Variants in NACA observed in about 807,000 individuals in gnomAD.
The protein encoded by NACA is nascent polypeptide associated complex subunit alpha, also known as nascent polypeptide-associated complex subunit alpha.
In NACA, 42 loss-of-function variants were observed where a neutral mutation model predicts 86.4. That is an observed-to-expected ratio of 0.49 (90% CI 0.38 to 0.63). The LOEUF (loss-of-function observed/expected upper bound fraction) is 0.63, where lower values mean the gene tolerates loss of function less well. Among genes scored for constraint, NACA ranks in the 20% least tolerant of loss-of-function variants. NACA has a pLI of 0.00. For missense variants in NACA, 2,157 were observed against 2,483.6 expected (o/e 0.87, Z 2.80); for synonymous variants, 898 against 973.7 (o/e 0.92, Z 1.45).
rs1365702389 is a variant in NACA, at chr12:56,716,006, G to T, written c.5524C>A (p.Pro1842Thr). Residue 1842 changes from proline to threonine, a missense_variant, in exon 3 of 9, where the codon CCT (proline) becomes ACT (threonine). Transcript: ENST00000454682. Reference protein sequence around the residue: ...LAPADEDELLPLIPPEPISGG... With the variant: ...LAPADEDELLTLIPPEPISGG... ...GAGATTGGTTCCGGGGGAATCAGAG[G>T]CAGCAGCTCATCCTCATCAGCAGGG... is the stretch of plus-strand genomic sequence containing the variant. 6.3e-7 allele frequency: 1 copy of T among 1,596,404 alleles called. No individual in the cohort carries two copies. The highest frequency in any genetic ancestry group is 2.2e-5 in the East Asian group (1 of 44,650).
In NACA at chr12:56,720,866, A is replaced by G; in HGVS notation, c.664T>C (p.Ser222Pro). 1 of 1,614,002 alleles carries G rather than the reference A, an allele frequency of 6.2e-7. No homozygotes were observed. Among genetic ancestry groups the G allele is most frequent in the Non-Finnish European group, 8.5e-7 (1 of 1,179,882 alleles). ...VPYHCVTPMA[S>P]IQSGVASLPQ... Reference sequence around the variant, plus strand: ...AGGGAGGCCACTCCAGATTGAATAGAGGCCATGGGAGTCACACAGTGGTAA... The same window carrying G: ...AGGGAGGCCACTCCAGATTGAATAGGGGCCATGGGAGTCACACAGTGGTAA... Residue 222 changes from serine to proline, a missense_variant, in exon 3 of 9, where the codon TCT becomes CCT. This residue lies in a region of NACA where 947 missense variants were observed against 917.9 expected (regional missense o/e 1.03). Transcript: ENST00000454682.
rs773687537 is a variant in NACA at position 56,717,184 on chromosome 12, G to C, written c.4346C>G (p.Thr1449Ser). 7.7e-7 allele frequency: 1 copy of C among 1,295,854 alleles called. No homozygotes were observed. The highest frequency in any genetic ancestry group is 1.0e-6 in the Non-Finnish European group (1 of 1,000,852). The allele number at this position is 1,295,854 out of a possible 1,614,324, so 80.3% of individuals were successfully genotyped here. Residue 1449 changes from threonine (T) to serine (S), a missense_variant, in exon 3 of 9, where the codon ACT (threonine) becomes AGT (serine). Transcript: ENST00000454682. ...AGCTGGGCCTCCTTTGGGGGCTGAAGTTGCTGGGGCCTTTTTGAGGGAGAC... is the reference window on the plus strand; with the variant it reads ...AGCTGGGCCTCCTTTGGGGGCTGAACTTGCTGGGGCCTTTTTGAGGGAGAC... Reference protein sequence around the residue: ...TPVSLKKAPATSAPKGGPATP... With the variant: ...TPVSLKKAPASSAPKGGPATP...
intron 1 of NACA, 101 bp from the exon 2 acceptor site, chr12:56,724,624 G>T: frequency 1.6e-6 from 2 of 1,288,688 alleles, no homozygotes; most frequent in Non-Finnish European, 2.2e-6. Flanking sequence ...AGGGCTGTTA[G>T]AAAAAAATCG....
intron 6 of NACA, 25 bp downstream of exon 6, chr12:56,713,512 C>A (rs778087725): frequency 6.2e-7 from 1 of 1,612,148 alleles, no homozygotes; most frequent in Admixed American, 1.7e-5. Context: ...TGGTCTGGAA[C>A]AATGCCCAAG....
rs1953485673 is a variant in NACA, at chr12:56,718,894, G to C, written c.2636C>G (p.Thr879Arg). 2 of 1,430,792 alleles carry C rather than the reference G, an allele frequency of 1.4e-6. No homozygotes were observed. Among genetic ancestry groups the C allele is most frequent in the Non-Finnish European group, 1.9e-6 (2 of 1,063,868 alleles). 88.6% of individuals were successfully genotyped at this position (1,430,792 alleles called of 1,614,324 possible). A position where few individuals can be genotyped will look rare whatever the true frequency, so the allele number is the denominator to read the frequency against. ...AGTGGGGGTCTCTTTGGGGGGTAGT[G>C]TTACTCCTTTGGGAGACAGAGGAGT... ...AVTPLSPKGV[T>R]LPPKETPTPS... The change falls in exon 3 of 9, where the codon ACA (threonine) becomes AGA (arginine). Residue 879 changes from threonine (T) to arginine (R), a missense_variant. Thr to Arg is a moderately conservative substitution (Grantham distance 71). Coordinates refer to ENST00000454682, the MANE Select transcript of NACA (RefSeq NM_001365896.1).
Position 56,719,689 on chromosome 12 carries a change from AC to A in NACA, c.1840del (p.Val614LeufsTer7). 1 of 1,613,876 alleles carries A rather than the reference AC, an allele frequency of 6.2e-7. No homozygotes were observed. The highest frequency in any genetic ancestry group is 8.5e-7 in the Non-Finnish European group (1 of 1,179,850). Reference sequence around the variant, plus strand: ...CTTGATTACAGAGGCCGAGGAGTTAACACCCAGAGGGGAGGTCATACTGCTG... The same window carrying A: ...CTTGATTACAGAGGCCGAGGAGTTAAACCCAGAGGGGAGGTCATACTGCTG... Reference protein sequence around the residue: ...PASSMTSPLGVNSSASVIKTD... With the variant: ...PASSMTSPLGXNSSASVIKTD... On this transcript the variant is annotated frameshift_variant, in exon 3 of 9. Transcript: ENST00000454682. LOFTEE classifies it high-confidence loss of function.
In NACA at chr12:56,716,298, G is replaced by A. The variant is rs773949570; in HGVS notation, c.5232C>T (p.Asp1744=). The part of the protein sequence containing the change: ...APAPLLPVQK[D]SSKTAKGKDA... ...CTTTGCCTTTTGCTGTCTTTGAAGA[G>A]TCTTTCTGAACAGGGAGTAGAGGGG... Residue 1744 remains aspartate, a synonymous_variant, in exon 3 of 9, where the codon GAC becomes GAT. Coordinates refer to ENST00000454682, the MANE Select transcript of NACA (RefSeq NM_001365896.1). The A allele has an allele frequency of 3.1e-6, 5 of 1,613,044 alleles. No individual in the cohort carries two copies. The Admixed American group carries it at 8.3e-5, about 27-fold the overall frequency.
Position 56,720,366 on chromosome 12 carries a change from G to A in NACA, c.1164C>T (p.Ile388=), listed in dbSNP as rs535839261. 7 of 1,613,962 alleles carry A rather than the reference G, an allele frequency of 4.3e-6. No homozygotes were observed. Among genetic ancestry groups the A allele is most frequent in the Non-Finnish European group, 5.9e-6 (7 of 1,179,868 alleles). Residue 388 remains isoleucine (I), a synonymous_variant, in exon 3 of 9, where the codon ATC becomes ATT. Coordinates refer to ENST00000454682, the MANE Select transcript of NACA (RefSeq NM_001365896.1). ...APSVDKGPST[I]SSITCSPSGS... is the part of the protein sequence containing the mutation. ...CAGAAGGGCTGCAGGTTATGCTAGA[G>A]ATGGTAGAGGGACCTTTGTCAACAG...
Position 56,716,717 on chromosome 12 carries a change from C to T in NACA, c.4813G>A (p.Val1605Met), listed in dbSNP as rs184221111. 56 of 1,402,974 alleles carry T rather than the reference C, an allele frequency of 4.0e-5. No individual in the cohort carries two copies. The African/African-American group carries it at 7.4e-4, about 19-fold the overall frequency. 86.9% of individuals were successfully genotyped at this position (1,402,974 alleles called of 1,614,324 possible). A position where few individuals can be genotyped will look rare whatever the true frequency, so the allele number is the denominator to read the frequency against. ...GCCTCTTTGGGGGAAGGAGAAGTCACAGCTGGTGGAATGAGGAGCTCTTTG... is the reference window on the plus strand; with the variant it reads ...GCCTCTTTGGGGGAAGGAGAAGTCATAGCTGGTGGAATGAGGAGCTCTTTG... The part of the protein sequence containing the change: ...SPKELLIPPA[V>M]TSPSPKEAPT... Residue 1605 changes from valine (V) to methionine (M), a missense_variant, in exon 3 of 9, where the codon GTG becomes ATG. Val to Met is a conservative substitution (Grantham distance 21, BLOSUM62 1). This residue lies in a region of NACA where 797 missense variants were observed against 777.6 expected (regional missense o/e 1.02). Transcript: ENST00000454682.
At position 56,718,732 on chromosome 12, in the gene NACA, G is replaced by A. The variant is rs777554553; in HGVS notation, c.2798C>T (p.Ser933Phe). Residue 933 changes from serine (S) to phenylalanine (F), a missense_variant, in exon 3 of 9, where the codon TCC (serine) becomes TTC (phenylalanine). Physicochemically the swap from Ser to Phe is radical, Grantham distance 155 (BLOSUM62 -2). Coordinates refer to ENST00000454682, the MANE Select transcript of NACA (RefSeq NM_001365896.1). The stretch of plus-strand genomic sequence containing the variant: ...TGTGGGGGCCCCTTTGGGGGATGGG[G>A]AAGCTGGGATTCCTTTAGGGGCTGG... Reference protein sequence around the residue: ...ATPAPKGIPASPSPKGAPTPP... With the variant: ...ATPAPKGIPAFPSPKGAPTPP... The A allele has an allele frequency of 6.9e-7, 1 of 1,443,978 alleles. No homozygotes were observed. Among genetic ancestry groups the A allele is most frequent in the Non-Finnish European group, 9.3e-7 (1 of 1,070,366 alleles). The allele number at this position is 1,443,978 out of a possible 1,614,324, so 89.4% of individuals were successfully genotyped here. A position where few individuals can be genotyped will look rare whatever the true frequency, so the allele number is the denominator to read the frequency against.
intron 5 of NACA, chr12:56,713,988 C>A (rs978401100): frequency 4.8e-5 from 19 of 396,930 alleles, no homozygotes; most frequent in Non-Finnish European, 6.0e-5. Flanking sequence ...ATTACAGGAG[C>A]GTTACCACCA....
At position 56,716,343 on chromosome 12, in the gene NACA, G is replaced by T. The variant is rs751806934; in HGVS notation, c.5187C>A (p.Pro1729=). ...GAGGGGCTGGAGCCACTGTGGAAAG[G>T]GGTCCTTTAGAACCATTCTTAGCTG... ...DPSAKNGSKG[P]LSTVAPAPLL... is the part of the protein sequence containing the mutation. The change falls in exon 3 of 9, where the codon CCC becomes CCA. Residue 1729 remains proline, a synonymous_variant. Transcript: ENST00000454682. 7 of 1,612,272 alleles carry T rather than the reference G, an allele frequency of 4.3e-6. No individual in the cohort carries two copies. The East Asian group carries it at 6.7e-5, about 15-fold the overall frequency.
At position 56,718,857 on chromosome 12, in the gene NACA, C is replaced by A; in HGVS notation, c.2673G>T (p.Val891=). 1 of 1,424,092 alleles carries A rather than the reference C, an allele frequency of 7.0e-7. No homozygotes were observed. 88.2% of individuals were successfully genotyped at this position (1,424,092 alleles called of 1,614,324 possible). A position where few individuals can be genotyped will look rare whatever the true frequency, so the allele number is the denominator to read the frequency against. The change falls in exon 3 of 9, where the codon GTG becomes GTT. Residue 891 remains valine (V), a synonymous_variant. Coordinates refer to ENST00000454682, the MANE Select transcript of NACA (RefSeq NM_001365896.1). ...GACCCTCTTTGGGGAAGGGCAGATT[C>A]ACCACTGAAGGAGTGGGGGTCTCTT... The part of the protein sequence containing the change: ...PPKETPTPSV[V]NLPFPKEGPA...
chr12:56,720,913 G>C lies in NACA; in HGVS notation c.617C>G (p.Pro206Arg). The C allele has an allele frequency of 6.2e-7, 1 of 1,613,958 alleles. No individual in the cohort carries two copies. The highest frequency in any genetic ancestry group is 2.2e-5 in the East Asian group (1 of 44,886). The change falls in exon 3 of 9, where the codon CCA (proline) becomes CGA (arginine). Residue 206 changes from proline to arginine, a missense_variant. This residue lies in a region of NACA where 947 missense variants were observed against 917.9 expected (regional missense o/e 1.03). Transcript: ENST00000454682. The part of the protein sequence containing the change: ...VPNPKGTPSP[P>R]CIVSTVPYHC... ...GTAAGGAACAGTACTGACTATACAT[G>C]GAGGGCTGGGGGTGCCTTTTGGATT...
intron 5 of NACA, 185 bp downstream of exon 5, chr12:56,714,174 CACT>C: frequency 1.7e-6 from 1 of 586,038 alleles, no homozygotes. Flanking sequence ...GGGATTCTAC[CACT>C]ACTAAGAATT....
rs570406970 is a variant in NACA, at chr12:56,721,450, G to C, written c.80C>G (p.Pro27Arg). Reference sequence around the variant, plus strand: ...AGTGACACTCAAGGCTGAAGACATAGGTAGCACAGCTGGAGAAAGGCAAAA... The same window carrying C: ...AGTGACACTCAAGGCTGAAGACATACGTAGCACAGCTGGAGAAAGGCAAAA... ...PQPQAETAVL[P>R]MSSALSVTAA... Residue 27 changes from proline (P) to arginine (R), a missense_variant, in exon 3 of 9, where the codon CCT becomes CGT. Physicochemically the swap from Pro to Arg is moderately radical, Grantham distance 103. Transcript: ENST00000454682. 2 of 1,502,336 alleles carry C rather than the reference G, an allele frequency of 1.3e-6. No individual in the cohort carries two copies. Among genetic ancestry groups the C allele is most frequent in the Non-Finnish European group, 1.8e-6 (2 of 1,132,292 alleles). The allele number at this position is 1,502,336 out of a possible 1,614,324, so 93.1% of individuals were successfully genotyped here. A position where few individuals can be genotyped will look rare whatever the true frequency, so the allele number is the denominator to read the frequency against.
chr12:56,723,950 C>A (rs1414706303), intron 2 of NACA, among the ~76,000 whole-genome samples: 1 of 152,156 alleles, frequency 6.6e-6, no homozygotes, highest in Non-Finnish European at 1.5e-5. Context: ...AACCCATAAA[C>A]AAGTTATCCG....
At position 56,719,527 on chromosome 12, in the gene NACA, G is replaced by A. The variant is rs1414839010; in HGVS notation, c.2003C>T (p.Thr668Ile). The change falls in exon 3 of 9, where the codon ACT becomes ATT. Residue 668 changes from threonine (T) to isoleucine (I), a missense_variant. This residue lies in a region of NACA where 947 missense variants were observed against 917.9 expected (regional missense o/e 1.03). Coordinates refer to ENST00000454682, the MANE Select transcript of NACA (RefSeq NM_001365896.1). ...AAAAGGGCTGGCTGTAGTTGTATAA[G>A]TTGAGGTACCTTTGGCAGTTGTGGG... ...VAPTTAKGTS[T>I]YTTTASPFLE... is the part of the protein sequence containing the mutation. 1 of 1,613,938 alleles carries A rather than the reference G, an allele frequency of 6.2e-7. No individual in the cohort carries two copies. Among genetic ancestry groups the A allele is most frequent in the Non-Finnish European group, 8.5e-7 (1 of 1,179,862 alleles).
intron 6 of NACA, 80 bp downstream of exon 6, chr12:56,713,457 A>C: frequency 6.6e-7 from 1 of 1,524,416 alleles, no homozygotes; most frequent in Non-Finnish European, 8.9e-7. Context: ...CATAACAGAG[A>C]ACTATCTGAC....
Sources: allele counts gnomAD v4.1 joint callset (sites outside exome capture counted in the v4.1 genomes callset), GRCh38; gene constraint gnomAD v4.1.1; regional missense constraint gnomAD v4.1.1; transcripts MANE v1.5; gene names NCBI Gene and HGNC (gene_info 2026-07-23, HGNC 2026-07-21).